Variants in WDR93 observed in about 807,000 individuals in gnomAD.
WDR93 encodes WD repeat domain 93, also known as WD repeat-containing protein 93.
In WDR93, 73 loss-of-function variants were observed where a neutral mutation model predicts 82.9. The ratio of observed to expected loss-of-function variants is 0.88; its 90% CI spans 0.73 to 1.07. The LOEUF (loss-of-function observed/expected upper bound fraction) is 1.07, where lower values mean the gene tolerates loss of function less well. Among genes scored for constraint, WDR93 ranks in the 50% least tolerant of loss-of-function variants. The pLI is 0.00. For synonymous variants in WDR93, 283 were observed against 300.1 expected (o/e 0.94, Z 0.59); for missense variants, 738 against 826.0 (o/e 0.89, Z 1.31).
At chr15:89,739,168 G>A (rs940328713) in intron 16 of WDR93, among the ~76,000 whole-genome samples, 5 of 152,018 alleles carry the variant, frequency 3.3e-5, no homozygotes, top group Non-Finnish European at 5.9e-5. Context: ...CCTTAAGATG[G>A]GGTTGGCAAA....
chr15:89,712,511 C>G (rs995143301), intron 5 of WDR93, among the ~76,000 whole-genome samples: 28 of 147,608 alleles, frequency 1.9e-4, no homozygotes, highest in Non-Finnish European at 1.3e-4. Context: ...GGCCTTTCCT[C>G]ATTTTTCAAG....
At chr15:89,705,448 A>T (rs1194948848) in intron 3 of WDR93, 106 bp from the exon 4 acceptor site, 1 of 746,326 alleles carries the variant, frequency 1.3e-6, no homozygotes, top group Non-Finnish European at 2.4e-6. Context: ...AGGCCTAAGA[A>T]TGAGCGAGCT....
chr15:89,696,536 G>A (rs1445834148), intron 1 of WDR93, among the ~76,000 whole-genome samples: 2 of 151,960 alleles, frequency 1.3e-5, no homozygotes, highest in South Asian at 2.1e-4. Context: ...ACTCTGTCAC[G>A]TAGGCTGGAG....
At chr15:89,691,571 G>A (rs1219798225) in intron 1 of WDR93, among the ~76,000 whole-genome samples, 1 of 152,030 alleles carries the variant, frequency 6.6e-6, no homozygotes, top group East Asian at 1.9e-4. Flanking sequence ...TACAAAAAAA[G>A]TAGCCGGGCG....
chr15:89,738,628 A>C (rs866798611), intron 16 of WDR93, among the ~76,000 whole-genome samples: 2,132 of 90,096 alleles, frequency 0.024, 44 homozygotes, highest in African/African-American at 0.071. Context: ...CTCTGTCCCA[A>C]AAAAAAAAAA....
intron 16 of WDR93, among the ~76,000 whole-genome samples, chr15:89,742,415 G>GC (rs150196655): frequency 1.1e-4 from 17 of 151,936 alleles, no homozygotes; most frequent in Admixed American, 6.6e-4. Flanking sequence ...CCCACTGACA[G>GC]CCCCCCCTCC....
intron 2 of WDR93, among the ~76,000 whole-genome samples, chr15:89,702,580 C>T (rs1567099480): frequency 6.6e-6 from 1 of 151,832 alleles, no homozygotes; most frequent in African/African-American, 2.4e-5. Flanking sequence ...GCTCTTGTTG[C>T]CCAGGCTGGA....
At chr15:89,736,847 A>G (rs1384749699) in intron 14 of WDR93, among the ~76,000 whole-genome samples, 2 of 148,126 alleles carry the variant, frequency 1.4e-5, no homozygotes, top group African/African-American at 5.0e-5. Context: ...GCTGGAGTGC[A>G]GTGGTGCAAT....
chr15:89,709,090 A>T (rs912214259), intron 4 of WDR93, among the ~76,000 whole-genome samples: 1 of 152,250 alleles, frequency 6.6e-6, no homozygotes, highest in African/African-American at 2.4e-5. Context: ...AACAAGGTGG[A>T]CCAGTGACAC....
chr15:89,714,393 G>C (rs191560040), intron 5 of WDR93: 1 of 152,158 alleles, frequency 6.6e-6, no homozygotes, highest in East Asian at 1.9e-4. Flanking sequence ...GCCTGATCTC[G>C]GCTCACTGCA....
At chr15:89,709,225 A>T (rs1287985187) in intron 4 of WDR93, among the ~76,000 whole-genome samples, 1 of 152,228 alleles carries the variant, frequency 6.6e-6, no homozygotes, top group Non-Finnish European at 1.5e-5. Flanking sequence ...ACAGATGTAG[A>T]TGTCCAGAAA....
At chr15:89,743,146 G>C (rs968149723) in intron 16 of WDR93, 146 bp from the exon 17 acceptor site, 2 of 724,176 alleles carry the variant, frequency 2.8e-6, no homozygotes, top group African/African-American at 3.5e-5. Context: ...TGTGTACCAG[G>C]CTGAGCCCTG....
intron 5 of WDR93, among the ~76,000 whole-genome samples, chr15:89,713,715 C>T (rs186616321): frequency 4.6e-5 from 7 of 152,150 alleles, no homozygotes; most frequent in Admixed American, 1.3e-4. Context: ...TCAGGTGATC[C>T]GCCCGCCTCG....
At chr15:89,711,205 G>A (rs930300271) in intron 4 of WDR93, among the ~76,000 whole-genome samples, 4 of 152,156 alleles carry the variant, frequency 2.6e-5, no homozygotes, top group Non-Finnish European at 5.9e-5. Flanking sequence ...CAAAGCTGTA[G>A]ATCTGATTAT....
intron 7 of WDR93, among the ~76,000 whole-genome samples, chr15:89,717,678 C>T (rs1386869133): frequency 1.3e-5 from 2 of 152,200 alleles, no homozygotes; most frequent in East Asian, 3.9e-4. Flanking sequence ...ATTCCACTAC[C>T]TCTTCACTCT....
chr15:89,703,236 C>A, intron 3 of WDR93, 94 bp downstream of exon 3: 3 of 1,328,426 alleles, frequency 2.3e-6, no homozygotes, highest in Non-Finnish European at 3.2e-6. Flanking sequence ...TGGGGCCAGG[C>A]ATGGAGACTT....
At chr15:89,733,993 A>ATG (rs527967695) in intron 13 of WDR93, among the ~76,000 whole-genome samples, 5,278 of 149,272 alleles carry the variant, frequency 0.035, 139 homozygotes, top group African/African-American at 0.073. Context: ...AACCTGTATA[A>ATG]TGTGTGTGTG....
At position 89,738,257 on chromosome 15, in the gene WDR93, AC is replaced by A. The variant is rs765928728; in HGVS notation, c.1961+26del. On this transcript the variant is annotated intron_variant, in intron 16 of 16. Coordinates refer to ENST00000268130, the MANE Select transcript of WDR93 (RefSeq NM_020212.2). ...AAGAGGTAAAGAGCTCTGTGTCTTC[AC>A]CCCCTCCCACATCTGAGGTTGTCTC... 103 of 1,561,186 alleles carry A rather than the reference AC, an allele frequency of 6.6e-5. No homozygotes were observed. The African/African-American group carries it at 1.2e-3, about 19-fold the overall frequency.
chr15:89,729,643 G>T (rs1275484206), intron 10 of WDR93, 40 bp from the exon 11 acceptor site: 1 of 1,530,368 alleles, frequency 6.5e-7, no homozygotes, highest in Non-Finnish European at 9.0e-7. Context: ...TTCCCCCTGT[G>T]TAACACCCAT....
Sources: gnomAD v4.1 joint callset for allele counts (sites outside exome capture counted in the v4.1 genomes callset) on GRCh38, gnomAD v4.1.1 for gene constraint, MANE v1.5 for transcripts, NCBI Gene and HGNC (gene_info 2026-07-23, HGNC 2026-07-21) for gene names.